Variants in HSD17B1 observed in about 807,000 individuals in gnomAD.
HSD17B1 encodes the protein hydroxysteroid 17-beta dehydrogenase 1.
In HSD17B1, 16 loss-of-function variants were observed where a neutral mutation model predicts 22.7. The observed-to-expected ratio is 0.71, with a 90% CI of 0.48 to 1.07. HSD17B1 has a LOEUF of 1.07. Ranked by LOEUF, HSD17B1 falls within the 50% of genes least tolerant of loss-of-function variation. HSD17B1 has a pLI of 0.00. For synonymous variants in HSD17B1, 243 were observed against 211.0 expected, an observed-to-expected ratio of 1.15 and a Z score of -1.31; for missense variants, 533 against 459.9, an observed-to-expected ratio of 1.16 and a Z score of -1.45.
At position 42,553,136 on chromosome 17, in the gene HSD17B1, T is replaced by C; in HGVS notation, c.110T>C (p.Leu37Ser). 3.7e-6 allele frequency: 6 copies of C among 1,613,850 alleles called. No homozygotes were observed. Among genetic ancestry groups the C allele is most frequent in the Non-Finnish European group, 5.1e-6 (6 of 1,180,000 alleles). ...CCAAAACCTCCAGTGTATGCCACGT[T>C]GAGGGACCTGAAAACACAGGGCCGG... Reference protein sequence around the residue: ...PSQSFKVYATLRDLKTQGRLW... With the variant: ...PSQSFKVYATSRDLKTQGRLW... Residue 37 changes from leucine to serine, a missense_variant, in exon 2 of 6, where the codon TTG becomes TCG. Physicochemically the swap from Leu to Ser is moderately radical, Grantham distance 145 (BLOSUM62 -2). Transcript: ENST00000585807.
At position 42,552,961 on chromosome 17, in the gene HSD17B1, G is replaced by T. The variant is rs202173252; in HGVS notation, c.28G>T (p.Gly10Cys). ...GGCCCGCACCGTGGTGCTCATCACCGGCTGTTCCTCGGGCATCGGCCTGCA... is the reference window on the plus strand; with the variant it reads ...GGCCCGCACCGTGGTGCTCATCACCTGCTGTTCCTCGGGCATCGGCCTGCA... MARTVVLIT[G>C]CSSGIGLHLA... The change falls in exon 1 of 6, where the codon GGC becomes TGC. Residue 10 changes from glycine to cysteine, a missense_variant. Coordinates refer to ENST00000585807, the MANE Select transcript of HSD17B1 (RefSeq NM_000413.4). 3 of 1,614,020 alleles carry T rather than the reference G, an allele frequency of 1.9e-6. No individual in the cohort carries two copies. Among genetic ancestry groups the T allele is most frequent in the African/African-American group, 2.7e-5 (2 of 74,934 alleles).
intron 4 of HSD17B1, 163 bp from the exon 5 acceptor site, chr17:42,554,242 T>C (rs1416435771): frequency 1.5e-5 from 15 of 1,002,978 alleles, no homozygotes; most frequent in Non-Finnish European, 2.1e-5. Context: ...GCGTTTCAAA[T>C]GTTCTGGTTA....
chr17:42,553,340 C>T (rs1340292773), intron 2 of HSD17B1, 49 bp downstream of exon 2: 3 of 1,602,258 alleles, frequency 1.9e-6, no homozygotes, highest in Non-Finnish European at 8.5e-7. Flanking sequence ...CTCCGCCCTG[C>T]GTTGAAACCA....
rs1345100227 is a variant in HSD17B1 at position 42,554,909 on chromosome 17, C to G, written c.958C>G (p.Leu320Val). ...GCGCGGTGCGGTGGGGGACCCTGAGCTCGGCGATCCTCCGGCCGCCCCGCA... is the reference window on the plus strand; with the variant it reads ...GCGCGGTGCGGTGGGGGACCCTGAGGTCGGCGATCCTCCGGCCGCCCCGCA... Reference protein sequence around the residue: ...AGRGAVGDPELGDPPAAPQ With the variant: ...AGRGAVGDPEVGDPPAAPQ Residue 320 changes from leucine (L) to valine (V), a missense_variant, in exon 6 of 6, where the codon CTC becomes GTC. Coordinates refer to ENST00000585807, the MANE Select transcript of HSD17B1 (RefSeq NM_000413.4). The G allele has an allele frequency of 2.8e-5, 42 of 1,487,130 alleles. No homozygotes were observed. Among genetic ancestry groups the G allele is most frequent in the Non-Finnish European group, 3.6e-5 (41 of 1,128,502 alleles). 92.1% of individuals were successfully genotyped at this position (1,487,130 alleles called of 1,614,324 possible). A position where few individuals can be genotyped will look rare whatever the true frequency, so the allele number is the denominator to read the frequency against.
rs781349119 is a variant in HSD17B1 at position 42,553,042 on chromosome 17, C to T, written c.97+12C>T. ...CCAGAGCTTCAAAGGTATAGATAGG[C>T]AGGGACAGGGAGGGAGAGAAGGGAG... On this transcript the variant is annotated intron_variant, in intron 1 of 5. Coordinates refer to ENST00000585807, the MANE Select transcript of HSD17B1 (RefSeq NM_000413.4). 4.4e-5 allele frequency: 71 copies of T among 1,613,898 alleles called. No homozygotes were observed. The highest frequency in any genetic ancestry group is 5.5e-5 in the Non-Finnish European group (65 of 1,179,952).
Position 42,553,190 on chromosome 17 carries a change from G to T in HSD17B1, c.164G>T (p.Cys55Phe). The T allele has an allele frequency of 6.2e-7, 1 of 1,613,758 alleles. No homozygotes were observed. Among genetic ancestry groups the T allele is most frequent in the Non-Finnish European group, 8.5e-7 (1 of 1,179,998 alleles). ...RLWEAARALACPPGSLETLQL... is the reference protein window; with the variant it reads ...RLWEAARALAFPPGSLETLQL... ...TGGGAGGCGGCCCGGGCCCTGGCAT[G>T]CCCTCCGGGATCCCTGGAGACGTTG... Residue 55 changes from cysteine (C) to phenylalanine (F), a missense_variant, in exon 2 of 6, where the codon TGC becomes TTC. Physicochemically the swap from Cys to Phe is radical, Grantham distance 205 (BLOSUM62 -2). Coordinates refer to ENST00000585807, the MANE Select transcript of HSD17B1 (RefSeq NM_000413.4).
chr17:42,554,317 C>T, intron 4 of HSD17B1, 88 bp from the exon 5 acceptor site: 2 of 1,457,396 alleles, frequency 1.4e-6, no homozygotes, highest in South Asian at 1.3e-5. Flanking sequence ...GGGGCCGGGA[C>T]GTGGTTGGGG....
Position 42,554,594 on chromosome 17 carries a change from G to T in HSD17B1, c.717+12G>T. The T allele has an allele frequency of 6.2e-7, 1 of 1,612,266 alleles. No individual in the cohort carries two copies. The highest frequency in any genetic ancestry group is 8.5e-7 in the Non-Finnish European group (1 of 1,179,336). On this transcript the variant is annotated intron_variant, in intron 5 of 5. Transcript: ENST00000585807. ...AGGAGGTGGCGGAGGTGAGCGCCGG[G>T]CTGGACTCCAGGAGTGGGGGCGGTG...
chr17:42,553,692 C>T (rs1303739514), intron 3 of HSD17B1, 74 bp downstream of exon 3: 2 of 1,558,640 alleles, frequency 1.3e-6, no homozygotes, highest in African/African-American at 1.6e-5. Context: ...GCAGGTTCCG[C>T]GGGGGGGGTG....
At position 42,552,995 on chromosome 17, in the gene HSD17B1, T is replaced by C. The variant is rs202205173; in HGVS notation, c.62T>C (p.Val21Ala). Residue 21 changes from valine to alanine, a missense_variant, in exon 1 of 6, where the codon GTA (valine) becomes GCA (alanine). Physicochemically the swap from Val to Ala is moderately conservative, Grantham distance 64. Transcript: ENST00000585807. ...TCGGGCATCGGCCTGCACTTGGCCG[T>C]ACGTCTGGCTTCAGATCCATCCCAG... The part of the protein sequence containing the change: ...CSSGIGLHLA[V>A]RLASDPSQSF... 296 of 1,614,128 alleles carry C rather than the reference T, an allele frequency of 1.8e-4. 2 individuals carry two copies. In the Middle Eastern group the frequency reaches 2.5e-3, roughly 14 times the overall value.
Position 42,554,995 on chromosome 17 carries a change from C to A in HSD17B1, c.*57C>A, listed in dbSNP as rs2092958766. On this transcript the variant is annotated 3_prime_UTR_variant, in exon 6 of 6. Transcript: ENST00000585807. ...TCTTTGTCCCCTGGGTCTGTGTGGT[C>A]CCTGGGGATGGGGCGGCGGTAGCAG... The A allele has an allele frequency of 7.1e-7, 1 of 1,414,934 alleles. No homozygotes were observed. The highest frequency in any genetic ancestry group is 1.5e-5 in the South Asian group (1 of 65,300). 87.6% of individuals were successfully genotyped at this position (1,414,934 alleles called of 1,614,324 possible). A position where few individuals can be genotyped will look rare whatever the true frequency, so the allele number is the denominator to read the frequency against.
chr17:42,555,054 C>A lies in HSD17B1; in HGVS notation c.*116C>A. On this transcript the variant is annotated 3_prime_UTR_variant, in exon 6 of 6. Coordinates refer to ENST00000585807, the MANE Select transcript of HSD17B1 (RefSeq NM_000413.4). ...GGCTAATTAAGATAGATCGCGTTAG[C>A]CAGTTTTACCAGCGCAGCTAGGCGC... 1 of 1,382,330 alleles carries A rather than the reference C, an allele frequency of 7.2e-7. No homozygotes were observed. Among genetic ancestry groups the A allele is most frequent in the Non-Finnish European group, 9.3e-7 (1 of 1,074,334 alleles). 85.6% of individuals were successfully genotyped at this position (1,382,330 alleles called of 1,614,324 possible).
At position 42,554,882 on chromosome 17, in the gene HSD17B1, G is replaced by T. The variant is rs751076995; in HGVS notation, c.931G>T (p.Gly311Trp). 9 of 1,554,204 alleles carry T rather than the reference G, an allele frequency of 5.8e-6. No homozygotes were observed. The East Asian group carries it at 7.0e-5, about 12-fold the overall frequency. Residue 311 changes from glycine to tryptophan, a missense_variant, in exon 6 of 6, where the codon GGG becomes TGG. By Grantham distance (184) the Gly-to-Trp change is radical. Transcript: ENST00000585807. The part of the protein sequence containing the change: ...GAGPGAEDEA[G>W]RGAVGDPELG... ...CGGGCCTGGGGCAGAGGACGAGGCCGGGCGCGGTGCGGTGGGGGACCCTGA... is the reference window on the plus strand; with the variant it reads ...CGGGCCTGGGGCAGAGGACGAGGCCTGGCGCGGTGCGGTGGGGGACCCTGA...
rs187951203 is a variant in HSD17B1 at position 42,553,495 on chromosome 17, G to A, written c.322G>A (p.Val108Met). Residue 108 changes from valine to methionine, a missense_variant, in exon 3 of 6, where the codon GTG (valine) becomes ATG (methionine). Coordinates refer to ENST00000585807, the MANE Select transcript of HSD17B1 (RefSeq NM_000413.4). ...GPLEALGEDA[V>M]ASVLDVNVVG... ...GCTGGAGGCGCTGGGGGAGGACGCC[G>A]TGGCCTCTGTGCTGGACGTGAATGT... 3 of 1,613,866 alleles carry A rather than the reference G, an allele frequency of 1.9e-6. No individual in the cohort carries two copies. The highest frequency in any genetic ancestry group is 2.2e-5 in the East Asian group (1 of 44,880).
chr17:42,554,621 G>C (rs2092956505), intron 5 of HSD17B1, 39 bp downstream of exon 5: 1 of 1,606,804 alleles, frequency 6.2e-7, no homozygotes, highest in Non-Finnish European at 8.5e-7. Context: ...GGGGCGGTGC[G>C]TCCTCCGGCG....
chr17:42,554,784 C>T lies in HSD17B1; in HGVS notation c.833C>T (p.Thr278Ile). The T allele has an allele frequency of 6.2e-7, 1 of 1,602,874 alleles. No homozygotes were observed. Among genetic ancestry groups the T allele is most frequent in the Non-Finnish European group, 8.5e-7 (1 of 1,179,686 alleles). The stretch of plus-strand genomic sequence containing the variant: ...GACCCCAGCGGCTCCAACTACGTCA[C>T]CGCCATGCACCGGGAAGTGTTCGGC... ...LDDPSGSNYV[T>I]AMHREVFGDV... The change falls in exon 6 of 6, where the codon ACC becomes ATC. Residue 278 changes from threonine (T) to isoleucine (I), a missense_variant. Physicochemically the swap from Thr to Ile is moderately conservative, Grantham distance 89. Transcript: ENST00000585807.
chr17:42,554,979 C>A lies in HSD17B1; in HGVS notation c.*41C>A. 7.0e-7 allele frequency: 1 copy of A among 1,438,430 alleles called. No individual in the cohort carries two copies. The highest frequency in any genetic ancestry group is 1.5e-5 in the South Asian group (1 of 68,002). 89.1% of individuals were successfully genotyped at this position (1,438,430 alleles called of 1,614,324 possible). A position where few individuals can be genotyped will look rare whatever the true frequency, so the allele number is the denominator to read the frequency against. On this transcript the variant is annotated 3_prime_UTR_variant, in exon 6 of 6. Transcript: ENST00000585807. ...CTGTCTCCCGCGCCCTTCTTTGTCCCCTGGGTCTGTGTGGTCCCTGGGGAT... is the reference window on the plus strand; with the variant it reads ...CTGTCTCCCGCGCCCTTCTTTGTCCACTGGGTCTGTGTGGTCCCTGGGGAT...
chr17:42,554,703 C>T lies in HSD17B1; in HGVS notation c.752C>T (p.Thr251Ile), dbSNP rs1361819714. ...FLTALRAPKPTLRYFTTERFL... is the reference protein window; with the variant it reads ...FLTALRAPKPILRYFTTERFL... ...ACCGCTTTGCGCGCCCCGAAGCCGA[C>T]CCTGCGCTACTTCACCACCGAGCGC... The change falls in exon 6 of 6, where the codon ACC (threonine) becomes ATC (isoleucine). Residue 251 changes from threonine (T) to isoleucine (I), a missense_variant. Transcript: ENST00000585807. 6.2e-7 allele frequency: 1 copy of T among 1,603,632 alleles called. No individual in the cohort carries two copies. The highest frequency in any genetic ancestry group is 1.1e-5 in the South Asian group (1 of 91,068).
intron 4 of HSD17B1, chr17:42,554,166 A>G (rs2092954440): frequency 1.5e-6 from 1 of 674,700 alleles, no homozygotes; most frequent in South Asian, 1.9e-5. Flanking sequence ...GCTAGATTCG[A>G]ATCCTGACAC....
Sources: allele counts gnomAD v4.1 joint callset, GRCh38; gene constraint gnomAD v4.1.1; transcripts MANE v1.5; gene names NCBI Gene and HGNC (gene_info 2026-07-23, HGNC 2026-07-21).